Variants in AKAP9 observed in about 807,000 individuals in gnomAD.
The protein encoded by AKAP9 is A-kinase anchoring protein 9.
Under a neutral mutation model 488.5 loss-of-function variants are expected in AKAP9, and 311 were observed. The observed-to-expected ratio is 0.64, with a 90% CI of 0.58 to 0.70. The LOEUF (loss-of-function observed/expected upper bound fraction) is 0.70. Among genes scored for constraint, AKAP9 ranks in the 30% least tolerant of loss-of-function variants. The probability of loss-of-function intolerance (pLI) is 0.00; values close to 1 mark genes in which losing one functional copy is unlikely to be tolerated. For missense variants in AKAP9, 4,215 were observed against 4,374.5 expected (o/e 0.96, Z 1.03); for synonymous variants, 1,462 against 1,483.5 (o/e 0.99, Z 0.33).
intron 14 of AKAP9, among the ~76,000 whole-genome samples, chr7:92,026,482 G>A (rs745626319): frequency 1.9e-4 from 29 of 152,152 alleles, no homozygotes; most frequent in South Asian, 4.2e-4. Context: ...TTGCAGTCAC[G>A]CGCCGCCACG....
In AKAP9 at chr7:92,062,108, A is replaced by G. The variant is rs188783206; in HGVS notation, c.5765-166A>G. On this transcript the variant is annotated intron_variant, in intron 23 of 49. Transcript: ENST00000356239. ...TGTCTGCATTGACCATACCCTATTA[A>G]AGGTTGATAGTTGCTGTGATGAGCA... 5.9e-5 allele frequency among the ~76,000 whole-genome samples: 9 copies of G among 152,308 alleles called. No homozygotes were observed. In the East Asian group the frequency reaches 1.7e-3, roughly 29 times the overall value.
intron 17 of AKAP9, among the ~76,000 whole-genome samples, chr7:92,039,039 G>A (rs1438029317): frequency 6.6e-6 from 1 of 152,074 alleles, no homozygotes; most frequent in African/African-American, 2.4e-5. Context: ...CTGAGTAACT[G>A]GGACTCCATG....
rs1815947900 is a variant in AKAP9 at position 92,093,242 on chromosome 7, T to C, written c.9504T>C (p.Leu3168=). 1 of 1,613,952 alleles carries C rather than the reference T, an allele frequency of 6.2e-7. No homozygotes were observed. Among genetic ancestry groups the C allele is most frequent in the African/African-American group, 1.3e-5 (1 of 74,908 alleles). Reference sequence around the variant, plus strand: ...TGGTTGCTGAACTGAAGAGTGAGCTTGCACAAACTAAATTGGAACTAGAAA... The same window carrying C: ...TGGTTGCTGAACTGAAGAGTGAGCTCGCACAAACTAAATTGGAACTAGAAA... ...KMVVAELKSE[L]AQTKLELETT... The change falls in exon 39 of 50, where the codon CTT becomes CTC. Residue 3168 remains leucine (L), a synonymous_variant. Coordinates refer to ENST00000356239, the MANE Select transcript of AKAP9 (RefSeq NM_005751.5).
chr7:92,061,449 G>C, intron 23 of AKAP9, 27 bp downstream of exon 23: 1 of 1,611,650 alleles, frequency 6.2e-7, no homozygotes. Context: ...TGACAACTAA[G>C]GGTAGAGAAA....
intron 20 of AKAP9, among the ~76,000 whole-genome samples, chr7:92,043,845 C>T (rs1343441686): frequency 6.6e-6 from 1 of 152,152 alleles, no homozygotes; most frequent in African/African-American, 2.4e-5. Flanking sequence ...TTTTGGCAAG[C>T]TCCTACAGTG....
At chr7:92,014,683 G>T (rs1801265476) in intron 10 of AKAP9, among the ~76,000 whole-genome samples, 1 of 152,060 alleles carries the variant, frequency 6.6e-6, no homozygotes, top group Non-Finnish European at 1.5e-5. Flanking sequence ...TACACAAGGA[G>T]TGCTAAATTG....
At chr7:91,961,038 A>G (rs1030184442) in intron 1 of AKAP9, among the ~76,000 whole-genome samples, 1 of 152,246 alleles carries the variant, frequency 6.6e-6, no homozygotes, top group African/African-American at 2.4e-5. Flanking sequence ...AAAGGGTCCT[A>G]CTGTTAAGAT....
intron 1 of AKAP9, among the ~76,000 whole-genome samples, chr7:91,942,203 T>G (rs1242895854): frequency 6.6e-6 from 1 of 152,126 alleles, no homozygotes; most frequent in Non-Finnish European, 1.5e-5. Flanking sequence ...TTCCTTTCTC[T>G]TCTCCTCACA....
In AKAP9 at chr7:92,005,282, T is replaced by C. The variant is rs572754008; in HGVS notation, c.3318+2047T>C. ...AGGATATTGGGAATGTTGGAGAGGG[T>C]AGTAACAACATTAAATATGGTGGTC... On this transcript the variant is annotated intron_variant, in intron 8 of 49. Transcript: ENST00000356239. 1.1e-4 allele frequency among the ~76,000 whole-genome samples: 16 copies of C among 152,222 alleles called. No homozygotes were observed. In the East Asian group the frequency reaches 2.7e-3, roughly 26 times the overall value.
At chr7:91,962,918 AC>A (rs1793898098) in intron 1 of AKAP9, among the ~76,000 whole-genome samples, 1 of 152,160 alleles carries the variant, frequency 6.6e-6, no homozygotes, top group African/African-American at 2.4e-5. Flanking sequence ...AATTATGTAT[AC>A]CCTAATTACA....
At chr7:92,099,899 G>A in intron 44 of AKAP9, 30 bp downstream of exon 44, 2 of 1,598,576 alleles carry the variant, frequency 1.3e-6, no homozygotes, top group Non-Finnish European at 1.7e-6. Context: ...CTCCATATAT[G>A]AGAATTAGTG....
intron 1 of AKAP9, among the ~76,000 whole-genome samples, chr7:91,967,322 T>A (rs1794540411): frequency 6.6e-6 from 1 of 152,194 alleles, no homozygotes; most frequent in African/African-American, 2.4e-5. Context: ...TTCTCTTGCT[T>A]AGTTGCTGTG....
At position 92,002,087 on chromosome 7, in the gene AKAP9, C is replaced by T; in HGVS notation, c.2170C>T (p.Leu724Phe). 2 of 1,593,074 alleles carry T rather than the reference C, an allele frequency of 1.3e-6. No homozygotes were observed. Among genetic ancestry groups the T allele is most frequent in the Non-Finnish European group, 1.7e-6 (2 of 1,174,238 alleles). Residue 724 changes from leucine (L) to phenylalanine (F), a missense_variant, in exon 8 of 50, where the codon CTT becomes TTT. Leu to Phe is a conservative substitution (Grantham distance 22). Around this residue, in one of 5 missense-constraint regions of AKAP9, gnomAD observed 2,361 missense variants for 2,430.0 expected, o/e 0.97. Coordinates refer to ENST00000356239, the MANE Select transcript of AKAP9 (RefSeq NM_005751.5). ...AGAAATGACTCTTCAAATCAATGAA[C>T]TTCAAAAAGAAATTGAAATACTCAG... The part of the protein sequence containing the change: ...SEEMTLQINE[L>F]QKEIEILRQE...
chr7:91,966,451 C>T (rs953014183), intron 1 of AKAP9, among the ~76,000 whole-genome samples: 2 of 152,222 alleles, frequency 1.3e-5, no homozygotes, highest in Admixed American at 1.3e-4. Context: ...AAGAGATTGT[C>T]CTTTTCTCAG....
Position 92,076,894 on chromosome 7 carries a change from G to C in AKAP9, c.6652G>C (p.Glu2218Gln). ...AGAGCAATTAGAACAGTTTAGAGAAGAACTGGAAAATAAGAATGAAGAAGT... is the reference window on the plus strand; with the variant it reads ...AGAGCAATTAGAACAGTTTAGAGAACAACTGGAAAATAAGAATGAAGAAGT... ...LEEQLEQFRE[E>Q]LENKNEEVQQ... The change falls in exon 29 of 50, where the codon GAA (glutamate) becomes CAA (glutamine). Residue 2218 changes from glutamate (E) to glutamine (Q), a missense_variant. This residue lies in a region of AKAP9 where 51 missense variants were observed against 87.3 expected (regional missense o/e 0.58). Transcript: ENST00000356239. 6.6e-7 allele frequency: 1 copy of C among 1,506,620 alleles called. No homozygotes were observed. The allele number at this position is 1,506,620 out of a possible 1,614,324, so 93.3% of individuals were successfully genotyped here. A position where few individuals can be genotyped will look rare whatever the true frequency, so the allele number is the denominator to read the frequency against.
chr7:91,968,498 T>C (rs567905037), intron 1 of AKAP9, among the ~76,000 whole-genome samples: 1 of 152,324 alleles, frequency 6.6e-6, no homozygotes, highest in East Asian at 1.9e-4. Flanking sequence ...TGAAAATTAG[T>C]ATAGCTAAAG....
chr7:92,015,854 A>G (rs1399672096), intron 10 of AKAP9, among the ~76,000 whole-genome samples: 1 of 152,196 alleles, frequency 6.6e-6, no homozygotes, highest in Admixed American at 6.5e-5. Context: ...GGTTGATTAA[A>G]GTATAAGATA....
intron 1 of AKAP9, among the ~76,000 whole-genome samples, chr7:91,967,308 T>G (rs1306457107): frequency 6.6e-6 from 1 of 152,204 alleles, no homozygotes; most frequent in African/African-American, 2.4e-5. Context: ...TATCTTTTAT[T>G]TTTTTCTCTT....
chr7:91,973,428 C>T (rs1795317667), intron 1 of AKAP9, among the ~76,000 whole-genome samples: 1 of 152,100 alleles, frequency 6.6e-6, no homozygotes, highest in African/African-American at 2.4e-5. Context: ...CAGTGAATGA[C>T]AGTGCCTGAT....
Sources: allele counts gnomAD v4.1 joint callset (sites outside exome capture counted in the v4.1 genomes callset), GRCh38; gene constraint gnomAD v4.1.1; regional missense constraint gnomAD v4.1.1; transcripts MANE v1.5; gene names NCBI Gene and HGNC (gene_info 2026-07-23, HGNC 2026-07-21).